The following CPNE5 variants were observed in gnomAD, a reference collection of about 807,000 sequenced individuals.
The protein encoded by CPNE5 is copine-5.
In CPNE5, 42 loss-of-function variants were observed where a neutral mutation model predicts 81.1. That is an observed-to-expected ratio of 0.52 (90% confidence interval 0.40 to 0.67). The LOEUF is 0.67. Among genes scored for constraint, CPNE5 ranks in the 30% least tolerant of loss-of-function variants. The pLI is 0.00. For synonymous variants in CPNE5, 313 were observed against 321.5 expected (o/e 0.97, Z 0.28); for missense variants, 612 against 815.5 (o/e 0.75, Z 3.04).
rs1764176360 is a variant in CPNE5 at position 36,746,439 on chromosome 6, G to T, written c.1157C>A (p.Ala386Asp). The change falls in exon 16 of 21, where the codon GCC (alanine) becomes GAC (aspartate). Residue 386 changes from alanine (A) to aspartate (D), a missense_variant. Coordinates refer to ENST00000244751, the MANE Select transcript of CPNE5 (RefSeq NM_020939.2). This position sits in a 1 kb window ranked among gnomAD's most constrained non-coding sequence, Gnocchi z 4.5. ...CACTCTGCCATCCGGGGGCAGCTTG[G>T]CCCCGAAGCCCAGGGCAGGGAACAT... ...DKMFPALGFG[A>D]KLPPDGRVSH... The T allele has an allele frequency of 3.1e-6, 5 of 1,613,208 alleles. No homozygotes were observed. The highest frequency in any genetic ancestry group is 4.2e-6 in the Non-Finnish European group (5 of 1,179,588).
chr6:36,821,690 A>C (rs1718599275), intron 3 of CPNE5, among the ~76,000 whole-genome samples: 1 of 152,192 alleles, frequency 6.6e-6, no homozygotes, highest in Non-Finnish European at 1.5e-5. Flanking sequence ...GGGAGTCAAC[A>C]AAGTTTTCTG....
rs1763796368 is a variant in CPNE5, at chr6:36,743,753, T to A, written c.1499A>T (p.Glu500Val). The stretch of plus-strand genomic sequence containing the variant: ...GATCCGCACGTCGTCGCCATCCAGC[T>A]CCACCATGGCTGTGAGGGGAGGAGT... ...VGQAEFDAMVELDGDDVRISS... is the reference protein window; with the variant it reads ...VGQAEFDAMVVLDGDDVRISS... The change falls in exon 20 of 21, where the codon GAG (glutamate) becomes GTG (valine). Residue 500 changes from glutamate (E) to valine (V), a missense_variant. Physicochemically the swap from Glu to Val is moderately radical, Grantham distance 121. Transcript: ENST00000244751. 2.5e-6 allele frequency: 4 copies of A among 1,612,036 alleles called. No individual in the cohort carries two copies. The highest frequency in any genetic ancestry group is 2.5e-6 in the Non-Finnish European group (3 of 1,179,896).
At chr6:36,755,379 G>A (rs562101813) in intron 13 of CPNE5, 46 of 152,368 alleles carry the variant, frequency 3.0e-4, no homozygotes, top group Admixed American at 2.4e-3. Flanking sequence ...CAGGGCCTTT[G>A]CATGTGCTGT....
At chr6:36,744,945 G>T in intron 18 of CPNE5, 103 bp downstream of exon 18, 1 of 787,514 alleles carries the variant, frequency 1.3e-6, no homozygotes, top group Non-Finnish European at 2.2e-6. Flanking sequence ...TCATCTCCAA[G>T]CATTTCCCTA....
chr6:36,756,217 G>A lies in CPNE5; in HGVS notation c.909+28C>T, dbSNP rs578149015. 3.9e-5 allele frequency: 63 copies of A among 1,595,278 alleles called. No individual in the cohort carries two copies. The East Asian group carries it at 4.6e-4, about 12-fold the overall frequency. ...CTTGGGGCTCAGAATGTCTACACCCGGCTGCAGAGACCGGGGTGGCTACTC... is the reference window on the plus strand; with the variant it reads ...CTTGGGGCTCAGAATGTCTACACCCAGCTGCAGAGACCGGGGTGGCTACTC... On this transcript the variant is annotated intron_variant, in intron 13 of 20. Coordinates refer to ENST00000244751, the MANE Select transcript of CPNE5 (RefSeq NM_020939.2).
chr6:36,743,663 T>C (rs1283644737), intron 20 of CPNE5, 26 bp downstream of exon 20: 9 of 1,608,290 alleles, frequency 5.6e-6, no homozygotes, highest in Non-Finnish European at 7.7e-6. Flanking sequence ...GAATTTCCCA[T>C]GGGGCAGGCA....
At chr6:36,826,032 C>A (rs1772472333) in intron 1 of CPNE5, among the ~76,000 whole-genome samples, 2 of 152,226 alleles carry the variant, frequency 1.3e-5, no homozygotes, top group South Asian at 4.1e-4. Flanking sequence ...ACGCTTAACT[C>A]CTCCAAGGTC....
chr6:36,838,769 T>TC (rs1201005830), intron 1 of CPNE5: 1 of 984,074 alleles, frequency 1.0e-6, no homozygotes, highest in African/African-American at 1.8e-5. Flanking sequence ...AGGAAGGCTT[T>TC]AAAATCCTAG....
Position 36,778,846 on chromosome 6 carries a change from AAACTC to A in CPNE5, c.632+3_632+7del. On this transcript the variant is annotated splice_donor_5th_base_variant and intron_variant, in intron 9 of 20. Transcript: ENST00000244751. ...GGTGCAGTGCACAAGTGTCCCCAGA[AAACTC>A]ACGTTCCATCCTCGTTGCTTCTGTA... 6.3e-7 allele frequency: 1 copy of A among 1,575,530 alleles called. No individual in the cohort carries two copies. Among genetic ancestry groups the A allele is most frequent in the Non-Finnish European group, 8.7e-7 (1 of 1,146,186 alleles).
chr6:36,757,972 C>T (rs1382106416), intron 12 of CPNE5, among the ~76,000 whole-genome samples: 3 of 152,136 alleles, frequency 2.0e-5, no homozygotes, highest in Admixed American at 2.0e-4. Context: ...CAGCGGCCTG[C>T]AGGGAACTCT....
chr6:36,822,526 G>A (rs966687267), intron 2 of CPNE5, among the ~76,000 whole-genome samples: 9 of 152,166 alleles, frequency 5.9e-5, no homozygotes, highest in Admixed American at 2.6e-4. Flanking sequence ...GCAGGTAGAC[G>A]GGTGGGTGTG....
chr6:36,758,418 T>TA (rs1685037039), intron 12 of CPNE5, among the ~76,000 whole-genome samples: 3 of 151,612 alleles, frequency 2.0e-5, no homozygotes. Context: ...TCTGGCTATT[T>TA]TTTTTTTTTT....
At chr6:36,811,080 G>C (rs989153487) in intron 3 of CPNE5, among the ~76,000 whole-genome samples, 1 of 152,132 alleles carries the variant, frequency 6.6e-6, no homozygotes, top group Non-Finnish European at 1.5e-5. Flanking sequence ...CCAGCTCCTC[G>C]GGGAACGGGG....
chr6:36,826,311 A>G (rs1314866813), intron 1 of CPNE5, among the ~76,000 whole-genome samples: 3 of 151,942 alleles, frequency 2.0e-5, no homozygotes, highest in Admixed American at 2.0e-4. Context: ...TTGCCTGGTG[A>G]CCTCAAGACC....
At chr6:36,816,063 CTGCCT>C (rs1394947070) in intron 3 of CPNE5, among the ~76,000 whole-genome samples, 1 of 152,226 alleles carries the variant, frequency 6.6e-6, no homozygotes, top group African/African-American at 2.4e-5. Flanking sequence ...CCTGGCCATC[CTGCCT>C]TAGTTAGTCT....
At chr6:36,788,260 C>T (rs979659622) in intron 8 of CPNE5, among the ~76,000 whole-genome samples, 1 of 151,918 alleles carries the variant, frequency 6.6e-6, no homozygotes, top group Admixed American at 6.6e-5. Context: ...CCAGGCTGGT[C>T]TCGAACTCCT....
intron 1 of CPNE5, among the ~76,000 whole-genome samples, chr6:36,836,647 G>A (rs183460144): frequency 8.5e-5 from 13 of 152,296 alleles, no homozygotes; most frequent in Non-Finnish European, 1.6e-4. Flanking sequence ...GTGCAGTGGG[G>A]AGGGACTTGA....
chr6:36,792,162 C>T, intron 7 of CPNE5, 66 bp from the exon 8 acceptor site: 1 of 1,483,174 alleles, frequency 6.7e-7, no homozygotes, highest in Non-Finnish European at 9.4e-7. Flanking sequence ...CTGACACTCC[C>T]TCAATCAGCC....
At chr6:36,743,153 G>A in intron 20 of CPNE5, 2 of 985,418 alleles carry the variant, frequency 2.0e-6, no homozygotes, top group Non-Finnish European at 2.4e-6. Context: ...CATCTCCTAA[G>A]CACTAGGGCC....
Sources: gnomAD v4.1 joint callset for allele counts (sites outside exome capture counted in the v4.1 genomes callset) on GRCh38, gnomAD v4.1.1 for gene constraint, Gnocchi (gnomAD v3.1) non-coding constraint, MANE v1.5 for transcripts, NCBI Gene and HGNC (gene_info 2026-07-23, HGNC 2026-07-21) for gene names.